DOLPP1: variants seen among roughly 807,000 people sequenced by gnomAD.
DOLPP1 encodes dolichyldiphosphatase 1.
DOLPP1 carries 15 observed loss-of-function variants against 34.1 expected under a neutral mutation model. The ratio of observed to expected loss-of-function variants is 0.44; its 90% confidence interval spans 0.29 to 0.68. The LOEUF is 0.68. DOLPP1 is among the 30% of genes least tolerant of loss of function. The probability of loss-of-function intolerance (pLI) is 0.12; values close to 1 mark genes in which losing one functional copy is unlikely to be tolerated. For synonymous variants in DOLPP1, 130 were observed against 128.2 expected, an observed-to-expected ratio of 1.01 and a Z score of -0.10; for missense variants, 249 against 307.1, an observed-to-expected ratio of 0.81 and a Z score of 1.41.
Position 129,085,449 on chromosome 9 carries a change from G to A in DOLPP1, c.363-69G>A, listed in dbSNP as rs1846970950. ...GGTACCCAGGGAGCATTTGGATGGG[G>A]CCAGGGACTGTTTGGGAGGCCTGGG... On this transcript the variant is annotated intron_variant, in intron 4 of 7. Coordinates refer to ENST00000372546, the MANE Select transcript of DOLPP1 (RefSeq NM_020438.5). The surrounding 1 kb of genome is among the most constrained non-coding windows in gnomAD (Gnocchi z 7.0). The A allele has an allele frequency of 1.3e-6, 2 of 1,557,116 alleles. No individual in the cohort carries two copies. Among genetic ancestry groups the A allele is most frequent in the Admixed American group, 1.7e-5 (1 of 59,518 alleles).
rs775959496 is a variant in DOLPP1 at position 129,086,057 on chromosome 9, G to A, written c.462-82G>A. On this transcript the variant is annotated intron_variant, in intron 5 of 7. Transcript: ENST00000372546. ...CACATGTGTGGGCACAGGTCCCTGG[G>A]AAGCTGGCACATGGGCAGTGGGGAT... is the stretch of plus-strand genomic sequence containing the variant. 9.8e-4 allele frequency: 1,373 copies of A among 1,394,626 alleles called. 2 individuals carry two copies. Among genetic ancestry groups the A allele is most frequent in the Non-Finnish European group, 1.3e-3 (1,275 of 1,004,042 alleles). The allele number at this position is 1,394,626 out of a possible 1,614,324, so 86.4% of individuals were successfully genotyped here. A position where few individuals can be genotyped will look rare whatever the true frequency, so the allele number is the denominator to read the frequency against.
intron 1 of DOLPP1, among the ~76,000 whole-genome samples, chr9:129,082,732 TC>T (rs1846913041): frequency 6.6e-6 from 1 of 152,178 alleles, no homozygotes; most frequent in Admixed American, 6.5e-5. Context: ...ACACCCCTCT[TC>T]ACACCGTCAC....
At chr9:129,082,718 C>T (rs11564098) in intron 1 of DOLPP1, among the ~76,000 whole-genome samples, 1 of 152,154 alleles carries the variant, frequency 6.6e-6, no homozygotes, top group South Asian at 2.1e-4. Context: ...TGCACTTCTC[C>T]GTCACACCCC....
intron 1 of DOLPP1, among the ~76,000 whole-genome samples, chr9:129,083,040 C>T (rs934590731): frequency 2.0e-5 from 3 of 152,056 alleles, no homozygotes; most frequent in African/African-American, 7.3e-5. Flanking sequence ...GTGCAAAGGT[C>T]CAGAAGTAGG....
rs1256862074 is a variant in DOLPP1 at position 129,085,389 on chromosome 9, C to T, written c.362+83C>T. 6.6e-7 allele frequency: 1 copy of T among 1,523,938 alleles called. No homozygotes were observed. Among genetic ancestry groups the T allele is most frequent in the African/African-American group, 1.4e-5 (1 of 73,096 alleles). The allele number at this position is 1,523,938 out of a possible 1,614,324, so 94.4% of individuals were successfully genotyped here. A position where few individuals can be genotyped will look rare whatever the true frequency, so the allele number is the denominator to read the frequency against. ...GGACTCACTGCTAGCCCTTTGGATGCCCCTGGGGTGGGAGGGGCTGCAGCG... is the reference window on the plus strand; with the variant it reads ...GGACTCACTGCTAGCCCTTTGGATGTCCCTGGGGTGGGAGGGGCTGCAGCG... On this transcript the variant is annotated intron_variant, in intron 4 of 7. Coordinates refer to ENST00000372546, the MANE Select transcript of DOLPP1 (RefSeq NM_020438.5). This position sits in a 1 kb window ranked among gnomAD's most constrained non-coding sequence, Gnocchi z 7.0.
Position 129,085,006 on chromosome 9 carries a change from T to C in DOLPP1, c.178-17T>C. The stretch of plus-strand genomic sequence containing the variant: ...AGGTGCACAGAGGCCCAGCTGACCA[T>C]GCGTCTTCCCCAGCAGATCTCCTTC... On this transcript the variant is annotated splice_polypyrimidine_tract_variant and intron_variant, in intron 2 of 7. Coordinates refer to ENST00000372546, the MANE Select transcript of DOLPP1 (RefSeq NM_020438.5). This position sits in a 1 kb window ranked among gnomAD's most constrained non-coding sequence, Gnocchi z 7.0. 1 of 1,553,474 alleles carries C rather than the reference T, an allele frequency of 6.4e-7. No homozygotes were observed. Among genetic ancestry groups the C allele is most frequent in the Non-Finnish European group, 8.7e-7 (1 of 1,150,776 alleles).
At chr9:129,086,627 C>T (rs946613879) in intron 6 of DOLPP1, 82 bp from the exon 7 acceptor site, 13 of 1,434,740 alleles carry the variant, frequency 9.1e-6, no homozygotes, top group Non-Finnish European at 1.2e-5. Flanking sequence ...CGTGCCAGCC[C>T]CGGGCAATGG....
intron 1 of DOLPP1, 122 bp downstream of exon 1, chr9:129,081,329 G>GTGAA: frequency 8.0e-7 from 1 of 1,254,524 alleles, no homozygotes; most frequent in Non-Finnish European, 1.1e-6. Context: ...CTGTCAAATA[G>GTGAA]TGAACCACGG....
chr9:129,085,365 G>T lies in DOLPP1; in HGVS notation c.362+59G>T. ...CTTGCTCAGGCCGAGTTCTGCTAGG[G>T]ACTCACTGCTAGCCCTTTGGATGCC... On this transcript the variant is annotated intron_variant, in intron 4 of 7. Transcript: ENST00000372546. This position sits in a 1 kb window ranked among gnomAD's most constrained non-coding sequence, Gnocchi z 7.0. 1 of 1,554,050 alleles carries T rather than the reference G, an allele frequency of 6.4e-7. No homozygotes were observed. The highest frequency in any genetic ancestry group is 1.7e-5 in the Admixed American group (1 of 59,894).
At chr9:129,087,475 C>T (rs1170730996) in intron 7 of DOLPP1, among the ~76,000 whole-genome samples, 1 of 152,146 alleles carries the variant, frequency 6.6e-6, no homozygotes, top group African/African-American at 2.4e-5. Flanking sequence ...GCCACCACGC[C>T]CGGCTAATTT....
chr9:129,083,308 C>T (rs952303223), intron 1 of DOLPP1, among the ~76,000 whole-genome samples: 15 of 152,126 alleles, frequency 9.9e-5, no homozygotes, highest in Non-Finnish European at 2.1e-4. Flanking sequence ...TTTGGGGGTA[C>T]CAGTCACTCA....
Position 129,085,213 on chromosome 9 carries a change from A to C in DOLPP1, c.269A>C (p.His90Pro), listed in dbSNP as rs754700599. The C allele has an allele frequency of 6.2e-7, 1 of 1,614,002 alleles. No individual in the cohort carries two copies. The highest frequency in any genetic ancestry group is 8.5e-7 in the Non-Finnish European group (1 of 1,179,968). The change falls in exon 4 of 8, where the codon CAC (histidine) becomes CCC (proline). Residue 90 changes from histidine to proline, a missense_variant. Coordinates refer to ENST00000372546, the MANE Select transcript of DOLPP1 (RefSeq NM_020438.5). The surrounding 1 kb of genome is among the most constrained non-coding windows in gnomAD (Gnocchi z 7.0). ...IQEPRPCGGP[H>P]TAVGTKYGMP... ...GGTCTCCTCTCTCTCCCAGGCCCCC[A>C]CACAGCAGTGGGCACCAAGTACGGG...
intron 7 of DOLPP1, among the ~76,000 whole-genome samples, chr9:129,088,146 G>T (rs1214113811): frequency 7.6e-6 from 1 of 132,184 alleles, no homozygotes; most frequent in Admixed American, 7.5e-5. Context: ...GGGGGGAGGT[G>T]GGGGGGGATG....
intron 7 of DOLPP1, among the ~76,000 whole-genome samples, chr9:129,087,308 T>A (rs1184930881): frequency 1.0e-5 from 1 of 96,042 alleles, no homozygotes; most frequent in East Asian, 3.3e-4. Context: ...GGCTGGCTTT[T>A]CTTTTTTTTC....
At chr9:129,083,311 G>C (rs985022991) in intron 1 of DOLPP1, among the ~76,000 whole-genome samples, 1 of 152,200 alleles carries the variant, frequency 6.6e-6, no homozygotes, top group Admixed American at 6.5e-5. Context: ...GGGGGTACCA[G>C]TCACTCACTA....
intron 7 of DOLPP1, among the ~76,000 whole-genome samples, chr9:129,088,155 T>TG (rs1169484397): frequency 1.3e-4 from 1 of 7,684 alleles, no homozygotes; most frequent in Non-Finnish European, 2.7e-4. Context: ...TGGGGGGGGA[T>TG]GGGGGGATGG....
Position 129,085,278 on chromosome 9 carries a change from G to A in DOLPP1, c.334G>A (p.Val112Ile), listed in dbSNP as rs139815109. The change falls in exon 4 of 8, where the codon GTC becomes ATC. Residue 112 changes from valine (V) to isoleucine (I), a missense_variant. Val to Ile is a conservative substitution (Grantham distance 29, BLOSUM62 3). Transcript: ENST00000372546. This position sits in a 1 kb window ranked among gnomAD's most constrained non-coding sequence, Gnocchi z 7.0. ...TTCCCAGTTTATGTGGTTCTTCTCC[G>A]TCTATTCCTTCCTTTTCCTGTATTT... ...SHSQFMWFFS[V>I]YSFLFLYLRM... is the part of the protein sequence containing the mutation. 203 of 1,614,046 alleles carry A rather than the reference G, an allele frequency of 1.3e-4. No individual in the cohort carries two copies. In the African/African-American group the frequency reaches 1.8e-3, roughly 15 times the overall value.
chr9:129,089,133 T>C lies in DOLPP1; in HGVS notation c.*126T>C. The C allele has an allele frequency of 1.1e-6, 1 of 895,984 alleles. No individual in the cohort carries two copies. Among genetic ancestry groups the C allele is most frequent in the Non-Finnish European group, 1.7e-6 (1 of 585,120 alleles). 55.5% of individuals were successfully genotyped at this position (895,984 alleles called of 1,614,324 possible). ...CCCAAGTCACCAAGTGGAGCCTTTTTTTTTCTTATTTTAATTTTAATGAAC... is the reference window on the plus strand; with the variant it reads ...CCCAAGTCACCAAGTGGAGCCTTTTCTTTTCTTATTTTAATTTTAATGAAC... On this transcript the variant is annotated 3_prime_UTR_variant, in exon 8 of 8. Coordinates refer to ENST00000372546, the MANE Select transcript of DOLPP1 (RefSeq NM_020438.5). The surrounding 1 kb of genome is among the most constrained non-coding windows in gnomAD (Gnocchi z 4.9).
intron 1 of DOLPP1, 46 bp from the exon 2 acceptor site, chr9:129,084,622 T>A (rs1464592927): frequency 7.3e-7 from 1 of 1,365,912 alleles, no homozygotes; most frequent in East Asian, 2.3e-5. Flanking sequence ...GTCCCTCTTC[T>A]GATGCCTGTG....
Sources: allele counts gnomAD v4.1 joint callset (sites outside exome capture counted in the v4.1 genomes callset), GRCh38; gene constraint gnomAD v4.1.1; non-coding constraint Gnocchi (gnomAD v3.1); transcripts MANE v1.5; gene names NCBI Gene and HGNC (gene_info 2026-07-23, HGNC 2026-07-21).